Variants in FAM240B observed in about 807,000 individuals in gnomAD.
FAM240B encodes protein FAM240B.
intron 1 of FAM240B, among the ~76,000 whole-genome samples, chr9:38,717,439 G>A (rs1331781090): frequency 1.3e-5 from 2 of 151,924 alleles, no homozygotes; most frequent in East Asian, 2.0e-4. Flanking sequence ...TGAGTATAGC[G>A]AGAGACTCTG....
rs79179441 is a variant in FAM240B at position 38,707,613 on chromosome 9, C to CAA, written c.-3-3613_-3-3612dup. ...GAAACCCCGTCTCTACTAAAAAAAACAAAAAAAAAAAACAAAAAAAAAACC... is the reference window on the plus strand; with the variant it reads ...GAAACCCCGTCTCTACTAAAAAAAACAAAAAAAAAAAAAACAAAAAAAAAACC... On this transcript the variant is annotated intron_variant, in intron 1 of 2. Transcript: ENST00000637493. Among the ~76,000 whole-genome samples, 327 of 92,390 alleles carry CAA rather than the reference C, an allele frequency of 3.5e-3. 1 individual carries two copies. Among genetic ancestry groups the CAA allele is most frequent in the African/African-American group, 0.014 (277 of 19,196 alleles). The allele number at this position is 92,390 out of a possible 152,430, so 60.6% of individuals were successfully genotyped here.
chr9:38,698,318 A>G (rs1054291875), intron 2 of FAM240B, among the ~76,000 whole-genome samples: 2 of 152,226 alleles, frequency 1.3e-5, no homozygotes, highest in Non-Finnish European at 2.9e-5. Context: ...TCAAATGTTT[A>G]CTTGTTCTAT....
intron 2 of FAM240B, among the ~76,000 whole-genome samples, chr9:38,701,282 G>A (rs1821123295): frequency 1.3e-5 from 2 of 152,144 alleles, no homozygotes; most frequent in Admixed American, 6.5e-5. Context: ...GCAAGTACAC[G>A]TTGGGAGATT....
chr9:38,698,440 C>G (rs1821090268), intron 2 of FAM240B, among the ~76,000 whole-genome samples: 1 of 152,096 alleles, frequency 6.6e-6, no homozygotes, highest in Admixed American at 6.5e-5. Context: ...AATCAGGTGA[C>G]TATATGGGAT....
At chr9:38,709,991 G>A (rs10973989) in intron 1 of FAM240B, among the ~76,000 whole-genome samples, 12,427 of 152,230 alleles carry the variant, frequency 0.082, 567 homozygotes, top group Middle Eastern at 0.11. Context: ...TTGTTGTTGA[G>A]ACGGAGTCTT....
chr9:38,717,867 G>C (rs903583125), intron 1 of FAM240B, among the ~76,000 whole-genome samples: 8 of 152,172 alleles, frequency 5.3e-5, no homozygotes, highest in African/African-American at 1.9e-4. Context: ...TGTGCACATG[G>C]TAAAATATTT....
chr9:38,702,812 C>T (rs1403606168), intron 2 of FAM240B, among the ~76,000 whole-genome samples: 5 of 152,180 alleles, frequency 3.3e-5, no homozygotes, highest in South Asian at 2.1e-4. Context: ...TATACACATC[C>T]GTCAACCTAA....
chr9:38,709,334 A>G (rs1032247357), intron 1 of FAM240B, among the ~76,000 whole-genome samples: 16 of 152,196 alleles, frequency 1.1e-4, no homozygotes, highest in Admixed American at 2.0e-4. Flanking sequence ...TACCAGGCTC[A>G]CTGTAGCTGG....
intron 2 of FAM240B, among the ~76,000 whole-genome samples, chr9:38,702,714 G>C (rs1431244921): frequency 6.6e-6 from 1 of 152,170 alleles, no homozygotes; most frequent in Non-Finnish European, 1.5e-5. Context: ...TTGCCAGTGA[G>C]GGAAAGACCA....
intron 1 of FAM240B, among the ~76,000 whole-genome samples, chr9:38,717,591 C>T (rs909222571): frequency 4.6e-5 from 7 of 152,164 alleles, no homozygotes; most frequent in Non-Finnish European, 8.8e-5. Flanking sequence ...CGCCATTCTC[C>T]TGCCTCAGCC....
At chr9:38,706,486 C>T (rs559067674) in intron 1 of FAM240B, among the ~76,000 whole-genome samples, 2 of 152,306 alleles carry the variant, frequency 1.3e-5, no homozygotes, top group South Asian at 2.1e-4. Flanking sequence ...AACAGAAGCT[C>T]AGTCGTATTT....
intron 1 of FAM240B, among the ~76,000 whole-genome samples, chr9:38,718,887 A>G (rs1197681856): frequency 6.8e-6 from 1 of 147,228 alleles, no homozygotes; most frequent in Non-Finnish European, 1.5e-5. Context: ...AGTTATTTCT[A>G]AAATACATTT....
chr9:38,719,703 A>C (rs1013039181), intron 1 of FAM240B, among the ~76,000 whole-genome samples: 2 of 152,326 alleles, frequency 1.3e-5, no homozygotes, highest in South Asian at 4.1e-4. Context: ...AACATGAGAC[A>C]TATCTTTATT....
At chr9:38,710,494 T>C (rs935370298) in intron 1 of FAM240B, among the ~76,000 whole-genome samples, 1 of 152,242 alleles carries the variant, frequency 6.6e-6, no homozygotes, top group African/African-American at 2.4e-5. Flanking sequence ...GACTCCCACC[T>C]CTAAAAATCA....
chr9:38,700,152 A>G (rs1821108808), intron 2 of FAM240B, among the ~76,000 whole-genome samples: 1 of 152,204 alleles, frequency 6.6e-6, no homozygotes, highest in South Asian at 2.1e-4. Context: ...TTTCAGTTTG[A>G]ATGAAAAATC....
chr9:38,712,828 A>C lies in FAM240B; in HGVS notation c.-4+7194T>G, dbSNP rs552422616. ...TTTAAATTCTTGTCTAAGTCACAGA[A>C]TCAGTCAGTGCTGATACTGGGCTGT... On this transcript the variant is annotated intron_variant, in intron 1 of 2. Transcript: ENST00000637493. 5.9e-5 allele frequency among the ~76,000 whole-genome samples: 9 copies of C among 152,274 alleles called. No homozygotes were observed. In the South Asian group the frequency reaches 1.9e-3, roughly 32 times the overall value.
At chr9:38,709,568 C>G (rs1271171023) in intron 1 of FAM240B, among the ~76,000 whole-genome samples, 1 of 152,154 alleles carries the variant, frequency 6.6e-6, no homozygotes, top group Non-Finnish European at 1.5e-5. Flanking sequence ...CCCGTCGGGG[C>G]TCAAATGAGA....
chr9:38,718,819 T>C (rs916811654), intron 1 of FAM240B, among the ~76,000 whole-genome samples: 3 of 152,212 alleles, frequency 2.0e-5, no homozygotes, highest in Non-Finnish European at 4.4e-5. Context: ...AATTTGTTTC[T>C]CCTATTTGCT....
At chr9:38,713,297 T>G (rs1351359360) in intron 1 of FAM240B, among the ~76,000 whole-genome samples, 1 of 151,846 alleles carries the variant, frequency 6.6e-6, no homozygotes, top group Non-Finnish European at 1.5e-5. Flanking sequence ...GCTAACACGG[T>G]GAAACCCCAT....
Sources: allele counts gnomAD v4.1 joint callset (sites outside exome capture counted in the v4.1 genomes callset), GRCh38; gene constraint gnomAD v4.1.1; transcripts MANE v1.5; gene names NCBI Gene and HGNC (gene_info 2026-07-23, HGNC 2026-07-21).